CLN6: variants seen among roughly 807,000 people sequenced by gnomAD.
CLN6 encodes CLN6 transmembrane ER protein, also known as ceroid-lipofuscinosis neuronal protein 6.
In CLN6, 22 loss-of-function variants were observed where a neutral mutation model predicts 33.3. That is an observed-to-expected ratio of 0.66 (90% CI 0.47 to 0.94). CLN6 has a LOEUF of 0.94. CLN6 is among the 40% of genes least tolerant of loss of function. The probability of loss-of-function intolerance (pLI) is 0.00; values close to 1 mark genes in which losing one functional copy is unlikely to be tolerated. For synonymous variants in CLN6, 201 were observed against 174.6 expected (o/e 1.15, Z -1.19); for missense variants, 387 against 417.1 (o/e 0.93, Z 0.63).
intron 1 of CLN6, among the ~76,000 whole-genome samples, chr15:68,252,950 G>A (rs1034465170): frequency 6.6e-6 from 1 of 152,234 alleles, no homozygotes; most frequent in African/African-American, 2.4e-5. Context: ...AGCAAGACAG[G>A]AAAGGGGAAT....
Position 68,211,759 on chromosome 15 carries a change from G to A in CLN6, c.402C>T (p.Asn134=). ...ASIHLVGDSV[N]HRLLFSGYQH... is the part of the protein sequence containing the mutation. Reference sequence around the variant, plus strand: ...GGTAGCCACTGAAGAGCAGGCGGTGGTTGACAGAGTCACCCACCAGGTGGA... The same window carrying A: ...GGTAGCCACTGAAGAGCAGGCGGTGATTGACAGAGTCACCCACCAGGTGGA... Residue 134 remains asparagine (N), a synonymous_variant, in exon 4 of 7, where the codon AAC becomes AAT. Coordinates refer to ENST00000249806, the MANE Select transcript of CLN6 (RefSeq NM_017882.3). This position sits in a 1 kb window ranked among gnomAD's most constrained non-coding sequence, Gnocchi z 5.9. 1 of 1,614,026 alleles carries A rather than the reference G, an allele frequency of 6.2e-7. No individual in the cohort carries two copies. Among genetic ancestry groups the A allele is most frequent in the Non-Finnish European group, 8.5e-7 (1 of 1,180,020 alleles).
At chr15:68,235,590 ATATATATATATAT>A (rs1892212533) in intron 1 of CLN6, among the ~76,000 whole-genome samples, 1 of 102,502 alleles carries the variant, frequency 9.8e-6, no homozygotes, top group Non-Finnish European at 1.9e-5. Context: ...AAAAATAAAT[ATATATATATATAT>A]ATATATATAT....
upstream of CLN6, among the ~76,000 whole-genome samples, chr15:68,234,327 A>G (rs1341534581): frequency 6.6e-6 from 1 of 152,186 alleles, no homozygotes; most frequent in Non-Finnish European, 1.5e-5. The surrounding 1 kb of genome is among the most constrained non-coding windows in gnomAD (Gnocchi z 4.1). Context: ...GCCCAATTCA[A>G]AATTCCCGCG....
At chr15:68,230,649 T>C (rs947801021), upstream of CLN6, among the ~76,000 whole-genome samples, 2 of 152,192 alleles carry the variant, frequency 1.3e-5, no homozygotes, top group African/African-American at 4.8e-5. The surrounding 1 kb of genome is among the most constrained non-coding windows in gnomAD (Gnocchi z 4.0). Flanking sequence ...AAGATGCCTA[T>C]TGCATCTACT....
In CLN6 at chr15:68,209,866, C is replaced by T. The variant is rs2093199761; in HGVS notation, c.543-107G>A. The T allele has an allele frequency of 6.6e-7, 1 of 1,508,586 alleles. No individual in the cohort carries two copies. The highest frequency in any genetic ancestry group is 9.1e-7 in the Non-Finnish European group (1 of 1,095,580). The allele number at this position is 1,508,586 out of a possible 1,614,324, so 93.5% of individuals were successfully genotyped here. Reference sequence around the variant, plus strand: ...TCATGGAGTGCCACGTCACAGTTTACAAAACGCCTAGCCTGGGTGAGAGGC... The same window carrying T: ...TCATGGAGTGCCACGTCACAGTTTATAAAACGCCTAGCCTGGGTGAGAGGC... On this transcript the variant is annotated intron_variant, in intron 5 of 6. Coordinates refer to ENST00000249806, the MANE Select transcript of CLN6 (RefSeq NM_017882.3). This position sits in a 1 kb window ranked among gnomAD's most constrained non-coding sequence, Gnocchi z 4.9.
chr15:68,244,229 C>T (rs531353703), intron 1 of CLN6, among the ~76,000 whole-genome samples: 24 of 152,140 alleles, frequency 1.6e-4, no homozygotes, highest in South Asian at 1.5e-3. Flanking sequence ...AAGCAGTTTT[C>T]GCCCAGGTAA....
chr15:68,228,786 AC>A lies in CLN6; in HGVS notation c.83+715del, dbSNP rs1215400300. Among the ~76,000 whole-genome samples, 1 of 151,614 alleles carries A rather than the reference AC, an allele frequency of 6.6e-6. No homozygotes were observed. Among genetic ancestry groups the A allele is most frequent in the African/African-American group, 2.4e-5 (1 of 41,220 alleles). ...AGCCTCTCCCACCTTCACCCTGCCT[AC>A]CCCCTTACTGCCTGGCACAGCGCTG... On this transcript the variant is annotated intron_variant, in intron 1 of 6. Coordinates refer to ENST00000249806, the MANE Select transcript of CLN6 (RefSeq NM_017882.3). The surrounding 1 kb of genome is among the most constrained non-coding windows in gnomAD (Gnocchi z 4.4).
At chr15:68,240,683 TA>T (rs76908712) in intron 1 of CLN6, among the ~76,000 whole-genome samples, 26 of 142,586 alleles carry the variant, frequency 1.8e-4, no homozygotes, top group East Asian at 2.1e-4. Flanking sequence ...AAGATTCCTT[TA>T]AAAAAAAAAG....
rs964872238 is a variant in CLN6, at chr15:68,241,048, G to A, written c.179+15642C>T. ...ACAAATAAGCAAGAATATGAATGAA[G>A]AACAGAAGAAAGCTGCAAATATGGA... On this transcript the variant is annotated intron_variant, in intron 1 of 6. Coordinates refer to the CLN6 transcript ENST00000538696. The surrounding 1 kb of genome is among the most constrained non-coding windows in gnomAD (Gnocchi z 4.2). 6.0e-5 allele frequency among the ~76,000 whole-genome samples: 9 copies of A among 148,902 alleles called. No individual in the cohort carries two copies. The highest frequency in any genetic ancestry group is 6.7e-5 in the Admixed American group (1 of 15,030).
chr15:68,238,401 C>CA (rs1027215007), intron 1 of CLN6, among the ~76,000 whole-genome samples: 293 of 125,214 alleles, frequency 2.3e-3, no homozygotes, highest in South Asian at 3.2e-3. Context: ...GACTCTGTCT[C>CA]AAAAAAAAAA....
intron 1 of CLN6, among the ~76,000 whole-genome samples, chr15:68,245,988 A>C (rs1892326249): frequency 6.6e-6 from 1 of 152,206 alleles, no homozygotes; most frequent in African/African-American, 2.4e-5. Context: ...ATATATAATG[A>C]TAAAGGGGTC....
rs2093233611 is a variant in CLN6, at chr15:68,220,779, C to G, written c.84-2129G>C. Among the ~76,000 whole-genome samples the G allele has an allele frequency of 6.6e-6, 1 of 152,228 alleles. No homozygotes were observed. Among genetic ancestry groups the G allele is most frequent in the African/African-American group, 2.4e-5 (1 of 41,462 alleles). ...GTCGTCCTGAATAACACACACAATTCAAACCTGGGTTTATGTTAATTCAAG... is the reference window on the plus strand; with the variant it reads ...GTCGTCCTGAATAACACACACAATTGAAACCTGGGTTTATGTTAATTCAAG... On this transcript the variant is annotated intron_variant, in intron 1 of 6. Transcript: ENST00000249806. This position sits in a 1 kb window ranked among gnomAD's most constrained non-coding sequence, Gnocchi z 4.2.
chr15:68,209,507 G>C lies in CLN6; in HGVS notation c.665+130C>G. 3.8e-6 allele frequency: 5 copies of C among 1,310,752 alleles called. No homozygotes were observed. Among genetic ancestry groups the C allele is most frequent in the Non-Finnish European group, 4.3e-6 (4 of 923,446 alleles). 81.2% of individuals were successfully genotyped at this position (1,310,752 alleles called of 1,614,324 possible). ...TTGTCACAGTCCCCACTAGACACAA[G>C]AAGAAGCACGGGCCCAAAGAGGGCC... On this transcript the variant is annotated intron_variant, in intron 6 of 6. Coordinates refer to ENST00000249806, the MANE Select transcript of CLN6 (RefSeq NM_017882.3). This position sits in a 1 kb window ranked among gnomAD's most constrained non-coding sequence, Gnocchi z 4.9.
chr15:68,221,512 G>A (rs967490922), intron 1 of CLN6, among the ~76,000 whole-genome samples: 7 of 151,854 alleles, frequency 4.6e-5, no homozygotes, highest in African/African-American at 1.2e-4. Context: ...GATTGCAGAC[G>A]GAGTCTCGCT....
intron 1 of CLN6, among the ~76,000 whole-genome samples, chr15:68,252,398 T>C (rs1341992167): frequency 3.3e-5 from 5 of 152,216 alleles, no homozygotes; most frequent in Admixed American, 2.0e-4. Context: ...CTCAACCTCA[T>C]TGACAATCAG....
chr15:68,256,844 G>A lies in CLN6; in HGVS notation c.25C>T (p.Arg9Trp), dbSNP rs549233934. 3.6e-4 allele frequency: 248 copies of A among 696,434 alleles called. No individual in the cohort carries two copies. In the African/African-American group the frequency reaches 3.8e-3, roughly 11 times the overall value. 43.1% of individuals were successfully genotyped at this position (696,434 alleles called of 1,614,324 possible). Residue 9 changes from arginine (R) to tryptophan (W), a missense_variant, in exon 1 of 7, where the codon CGG (arginine) becomes TGG (tryptophan). Physicochemically the swap from Arg to Trp is moderately radical, Grantham distance 101 (BLOSUM62 -3). Coordinates refer to the CLN6 transcript ENST00000538696. This position sits in a 1 kb window ranked among gnomAD's most constrained non-coding sequence, Gnocchi z 4.1. Reference sequence around the variant, plus strand: ...GGCCGGGGCCTGCCTCTCGCTCGCCGCTCCTTCCCGGCAACGGCTGCCATT... The same window carrying A: ...GGCCGGGGCCTGCCTCTCGCTCGCCACTCCTTCCCGGCAACGGCTGCCATT...
At chr15:68,216,791 T>C (rs2093221572) in intron 2 of CLN6, among the ~76,000 whole-genome samples, 1 of 152,248 alleles carries the variant, frequency 6.6e-6, no homozygotes, top group Non-Finnish European at 1.5e-5. Context: ...TGCTGTCTTC[T>C]TGCTGATTAT....
chr15:68,214,200 T>C, intron 3 of CLN6, 90 bp downstream of exon 3: 1 of 1,012,528 alleles, frequency 9.9e-7, no homozygotes. Flanking sequence ...GGAGCGTGCT[T>C]GAGTCAGGAC....
chr15:68,237,490 C>A lies in CLN6; in HGVS notation c.180-18840G>T, dbSNP rs550440573. On this transcript the variant is annotated intron_variant, in intron 1 of 6. Coordinates refer to the CLN6 transcript ENST00000538696. ...GCAACAGAGACCCCATCTCTAAAAACAAAATGAAACAAAACAAAACAACAA... is the reference window on the plus strand; with the variant it reads ...GCAACAGAGACCCCATCTCTAAAAAAAAAATGAAACAAAACAAAACAACAA... Among the ~76,000 whole-genome samples the A allele has an allele frequency of 1.2e-3, 177 of 152,130 alleles. 1 individual carries two copies. Among genetic ancestry groups the A allele is most frequent in the African/African-American group, 4.0e-3 (168 of 41,488 alleles).
Sources: allele counts gnomAD v4.1 joint callset (sites outside exome capture counted in the v4.1 genomes callset), GRCh38; gene constraint gnomAD v4.1.1; non-coding constraint Gnocchi (gnomAD v3.1); transcripts MANE v1.5; gene names NCBI Gene and HGNC (gene_info 2026-07-23, HGNC 2026-07-21).